The following SNX20 variants were observed in gnomAD, a reference collection of about 807,000 sequenced individuals.
SNX20 encodes sorting nexin-20.
A neutral mutation model predicts 24.5 loss-of-function variants in SNX20; 21 were observed. The observed-to-expected ratio is 0.86, with a 90% CI of 0.61 to 1.23. The LOEUF (loss-of-function observed/expected upper bound fraction) is 1.23. Ranked by LOEUF, SNX20 falls within the 50% of genes most tolerant of loss-of-function variation. The pLI, the probability that SNX20 is intolerant of heterozygous loss-of-function variation, is 0.00. For synonymous variants in SNX20, 206 were observed against 192.8 expected (o/e 1.07, Z -0.57); for missense variants, 433 against 430.8 (o/e 1.00, Z -0.04).
downstream of SNX20, chr16:50,670,689 A>G (rs1963027306): frequency 6.6e-6 from 1 of 152,278 alleles, no homozygotes; most frequent in Non-Finnish European, 1.5e-5. Context: ...CCAGGAACCC[A>G]AGGAACGAGT....
chr16:50,668,050 T>C (rs1350808948), downstream of SNX20: 2 of 1,551,626 alleles, frequency 1.3e-6, no homozygotes, highest in Admixed American at 2.0e-5. Flanking sequence ...GCCTACGGGT[T>C]GAAAGCCAAG....
At chr16:50,668,288 A>T (rs1275896016), downstream of SNX20, 3 of 1,393,972 alleles carry the variant, frequency 2.2e-6, no homozygotes, top group Non-Finnish European at 2.8e-6. Context: ...CTTCTGAGTA[A>T]ATCAAAGAGA....
downstream of SNX20, chr16:50,671,534 T>A (rs544046975): frequency 4.6e-5 from 7 of 152,332 alleles, no homozygotes; most frequent in South Asian, 8.3e-4. Context: ...AAACTGTCCA[T>A]GTTGGGTATT....
downstream of SNX20, chr16:50,669,229 G>T: frequency 1.4e-6 from 1 of 732,338 alleles, no homozygotes; most frequent in Non-Finnish European, 2.5e-6. Context: ...CCTGAGGTTG[G>T]GTAGCTTATA....
chr16:50,679,218 C>T (rs1963245430), intron 1 of SNX20, among the ~76,000 whole-genome samples: 1 of 152,128 alleles, frequency 6.6e-6, no homozygotes, highest in South Asian at 2.1e-4. Flanking sequence ...CTGACTACGG[C>T]CTAGAGAAAG....
Position 50,673,829 on chromosome 16 carries a change from G to A in SNX20, c.528C>T (p.Arg176=), listed in dbSNP as rs944507574. The A allele has an allele frequency of 2.5e-6, 4 of 1,598,980 alleles. No individual in the cohort carries two copies. The highest frequency in any genetic ancestry group is 3.4e-6 in the Non-Finnish European group (4 of 1,177,448). Residue 176 remains arginine, a synonymous_variant, in exon 4 of 4, where the codon CGC becomes CGT. Coordinates refer to ENST00000330943, the MANE Select transcript of SNX20 (RefSeq NM_182854.4). This position sits in a 1 kb window ranked among gnomAD's most constrained non-coding sequence, Gnocchi z 4.1. The part of the protein sequence containing the change: ...GLLYAIRCVR[R]SREFLDFLTR... ...TGAGGAAGTCCAGGAACTCCCGGGA[G>A]CGGCGCACGCAGCGGATGGCGTAGA...
chr16:50,673,517 C>CA lies in SNX20; in HGVS notation c.839dup (p.Lys282GlnfsTer82). On this transcript the variant is annotated frameshift_variant, in exon 4 of 4. Coordinates refer to ENST00000330943, the MANE Select transcript of SNX20 (RefSeq NM_182854.4). LOFTEE classifies it high-confidence loss of function. This position sits in a 1 kb window ranked among gnomAD's most constrained non-coding sequence, Gnocchi z 4.1. Reference sequence around the variant, plus strand: ...CCTGCAGAGTCACGAAGTCCTTGCCCAGCGCGTAGGCCAGGCGGACCATGG... The same window carrying CA: ...CCTGCAGAGTCACGAAGTCCTTGCCCAAGCGCGTAGGCCAGGCGGACCATGG... 1 of 1,610,386 alleles carries CA rather than the reference C, an allele frequency of 6.2e-7. No individual in the cohort carries two copies. Among genetic ancestry groups the CA allele is most frequent in the Non-Finnish European group, 8.5e-7 (1 of 1,179,052 alleles).
At chr16:50,668,931 A>G, downstream of SNX20, 1 of 1,479,922 alleles carries the variant, frequency 6.8e-7, no homozygotes, top group Non-Finnish European at 9.0e-7. Context: ...CAGGGAGGCT[A>G]GCGGCCCTGC....
rs1297397634 is a variant in SNX20, at chr16:50,677,409, C to A, written c.118G>T (p.Asp40Tyr). Reference protein sequence around the residue: ...TGPDLPHPGPDGHLDTHSGLS... With the variant: ...TGPDLPHPGPYGHLDTHSGLS... ...GCCTCAAGCCCACCTAAGTGCCCGTCAGGTCCTGGGTGCGGGAGGTCGGGG... is the reference window on the plus strand; with the variant it reads ...GCCTCAAGCCCACCTAAGTGCCCGTAAGGTCCTGGGTGCGGGAGGTCGGGG... The change falls in exon 2 of 4, where the codon GAC (aspartate) becomes TAC (tyrosine). Residue 40 changes from aspartate to tyrosine, a missense_variant. Physicochemically the swap from Asp to Tyr is radical, Grantham distance 160. Coordinates refer to ENST00000330943, the MANE Select transcript of SNX20 (RefSeq NM_182854.4). 5 of 1,596,012 alleles carry A rather than the reference C, an allele frequency of 3.1e-6. No individual in the cohort carries two copies. The Middle Eastern group carries it at 5.0e-4, about 160-fold the overall frequency.
At chr16:50,677,067 G>A (rs1567370865) in intron 2 of SNX20, among the ~76,000 whole-genome samples, 2 of 152,172 alleles carry the variant, frequency 1.3e-5, no homozygotes, top group African/African-American at 4.8e-5. Flanking sequence ...CTCACCCCTA[G>A]GATAGGACAA....
At position 50,673,324 on chromosome 16, in the gene SNX20, TA is replaced by T. The variant is rs953080409; in HGVS notation, c.*81del. 298 of 1,377,556 alleles carry T rather than the reference TA, an allele frequency of 2.2e-4. No individual in the cohort carries two copies. Among genetic ancestry groups the T allele is most frequent in the South Asian group, 7.5e-4 (40 of 53,504 alleles). The allele number at this position is 1,377,556 out of a possible 1,614,324, so 85.3% of individuals were successfully genotyped here. A position where few individuals can be genotyped will look rare whatever the true frequency, so the allele number is the denominator to read the frequency against. On this transcript the variant is annotated 3_prime_UTR_variant, in exon 4 of 4. Coordinates refer to ENST00000330943, the MANE Select transcript of SNX20 (RefSeq NM_182854.4). The surrounding 1 kb of genome is among the most constrained non-coding windows in gnomAD (Gnocchi z 4.1). ...AAATAACAAAAAAGAAAAGGAAAAA[TA>T]AAAAAAAAGAACCCCAAACAGCCCA...
intron 3 of SNX20, 30 bp downstream of exon 3, chr16:50,675,740 A>C (rs1963165183): frequency 1.2e-6 from 2 of 1,609,256 alleles, no homozygotes; most frequent in African/African-American, 2.7e-5. Context: ...AGAGTGAAAG[A>C]GGCTCCACCA....
chr16:50,679,559 G>T (rs576788513), intron 1 of SNX20, among the ~76,000 whole-genome samples: 76 of 152,344 alleles, frequency 5.0e-4, no homozygotes, highest in African/African-American at 1.7e-3. Flanking sequence ...ACGTTCTTGA[G>T]CATGCCGTCA....
At chr16:50,671,250 C>T (rs1963044352), downstream of SNX20, 1 of 152,052 alleles carries the variant, frequency 6.6e-6, no homozygotes, top group African/African-American at 2.4e-5. Context: ...TCTTGAGGCA[C>T]CTGGAACACC....
At chr16:50,667,611 GT>G (rs1962943732), downstream of SNX20, 1 of 244,676 alleles carries the variant, frequency 4.1e-6, no homozygotes, top group African/African-American at 2.2e-5. Flanking sequence ...GGGATCTTTG[GT>G]TACTGAGAAA....
At chr16:50,675,604 G>A (rs983879143) in intron 3 of SNX20, among the ~76,000 whole-genome samples, 166 bp downstream of exon 3, 1 of 152,160 alleles carries the variant, frequency 6.6e-6, no homozygotes, top group East Asian at 1.9e-4. Context: ...CCTAGCAGGT[G>A]CTGAGCCTGA....
At chr16:50,668,021 T>A (rs1245179051), downstream of SNX20, 1 of 1,551,426 alleles carries the variant, frequency 6.4e-7, no homozygotes, top group Non-Finnish European at 8.7e-7. Context: ...GATATCAGGG[T>A]GTGGCGTCAG....
intron 2 of SNX20, among the ~76,000 whole-genome samples, 168 bp downstream of exon 2, chr16:50,677,229 C>T (rs193052717): frequency 2.0e-5 from 3 of 152,322 alleles, no homozygotes; most frequent in Admixed American, 2.0e-4. Context: ...AGGACCGTCT[C>T]CCGGATAAAC....
chr16:50,675,787 T>A lies in SNX20; in HGVS notation c.265A>T (p.Lys89Ter). The change falls in exon 3 of 4, where the codon AAA (lysine) becomes TAA (stop). Residue 89 changes from lysine (K) to a stop codon, truncating the protein, a stop_gained. Transcript: ENST00000330943. LOFTEE classifies it high-confidence loss of function. ...EIASARIEER[K>*]VSKFVVYQII... Reference sequence around the variant, plus strand: ...CTGCTTACCACAAACTTAGAGACTTTTCTCTCCTCGATGCGAGCTGAAGCG... The same window carrying A: ...CTGCTTACCACAAACTTAGAGACTTATCTCTCCTCGATGCGAGCTGAAGCG... 5.6e-6 allele frequency: 9 copies of A among 1,613,240 alleles called. No homozygotes were observed. The highest frequency in any genetic ancestry group is 6.8e-6 in the Non-Finnish European group (8 of 1,179,676).
Sources: gnomAD v4.1 joint callset for allele counts (sites outside exome capture counted in the v4.1 genomes callset) on GRCh38, gnomAD v4.1.1 for gene constraint, Gnocchi (gnomAD v3.1) non-coding constraint, MANE v1.5 for transcripts, NCBI Gene and HGNC (gene_info 2026-07-23, HGNC 2026-07-21) for gene names.